The following NRTN variants were observed in gnomAD, a reference collection of about 807,000 sequenced individuals.
The protein encoded by NRTN is neurturin, also known as prepro-neurturin.
Under a neutral mutation model 7.5 loss-of-function variants are expected in NRTN, and 3 were observed. That is an observed-to-expected ratio of 0.40 (90% CI 0.18 to 1.03). NRTN has a LOEUF of 1.03. NRTN is among the 50% of genes least tolerant of loss of function. NRTN has a pLI of 0.34. For missense variants in NRTN, 310 were observed against 307.0 expected (o/e 1.01, Z -0.07); for synonymous variants, 157 against 146.6 (o/e 1.07, Z -0.51).
intron 1 of NRTN, among the ~76,000 whole-genome samples, chr19:5,818,339 CAGTGTGTG>C (rs1041999987): frequency 1.8e-4 from 28 of 151,966 alleles, no homozygotes; most frequent in East Asian, 1.2e-3. Context: ...CGTGTGTGGG[CAGTGTGTG>C]AGTGTGTGAG....
intron 1 of NRTN, among the ~76,000 whole-genome samples, chr19:5,810,662 A>T (rs373051526): frequency 6.6e-6 from 1 of 151,698 alleles, no homozygotes; most frequent in Non-Finnish European, 1.5e-5. Flanking sequence ...AGCCGGGCGC[A>T]GTGGCTCGTG....
chr19:5,827,113 A>G (rs971979684), intron 2 of NRTN, among the ~76,000 whole-genome samples: 1 of 151,976 alleles, frequency 6.6e-6, no homozygotes, highest in African/African-American at 2.4e-5. Flanking sequence ...CATTTCTTGG[A>G]TAGGGAAACT....
In NRTN at chr19:5,825,386, C is replaced by T. The variant is rs115240543; in HGVS notation, c.169+1052C>T. On this transcript the variant is annotated intron_variant, in intron 2 of 2. Transcript: ENST00000303212. ...GGATGCCGGCAGGGTGCGTGTGCAG[C>T]GCCTTTGGGTGTGGGCCACGAGTAC... Among the ~76,000 whole-genome samples, 717 of 152,296 alleles carry T rather than the reference C, an allele frequency of 4.7e-3. 9 individuals are homozygous for T. The highest frequency in any genetic ancestry group is 0.016 in the African/African-American group (683 of 41,568).
At chr19:5,815,628 G>T (rs1206856549) in intron 1 of NRTN, among the ~76,000 whole-genome samples, 1 of 151,550 alleles carries the variant, frequency 6.6e-6, no homozygotes, top group Non-Finnish European at 1.5e-5. Context: ...TAGAGACGGG[G>T]TTTCGCCATG....
At chr19:5,816,024 C>T (rs1374314871) in intron 1 of NRTN, among the ~76,000 whole-genome samples, 2 of 152,130 alleles carry the variant, frequency 1.3e-5, no homozygotes, top group African/African-American at 2.4e-5. Flanking sequence ...GGATTACAGG[C>T]GTGAGCCACT....
intron 1 of NRTN, among the ~76,000 whole-genome samples, 133 bp downstream of exon 1, chr19:5,805,584 CG>C (rs1346182228): frequency 1.4e-5 from 2 of 147,688 alleles, no homozygotes; most frequent in Admixed American, 1.4e-4. Flanking sequence ...GCAGAACCAG[CG>C]GGTGTATGAG....
At position 5,806,906 on chromosome 19, in the gene NRTN, C is replaced by T. The variant is rs563784601; in HGVS notation, c.-399+1455C>T. 1.3e-5 allele frequency among the ~76,000 whole-genome samples: 2 copies of T among 152,234 alleles called. No individual in the cohort carries two copies. Among genetic ancestry groups the T allele is most frequent in the East Asian group, 1.9e-4 (1 of 5,184 alleles). On this transcript the variant is annotated intron_variant, in intron 1 of 2. Transcript: ENST00000303212. This position sits in a 1 kb window ranked among gnomAD's most constrained non-coding sequence, Gnocchi z 5.4. The stretch of plus-strand genomic sequence containing the variant: ...GCACAACACAATCAAAAGATTGTTT[C>T]GACAAATGTGTGTCGATGGCAACCG...
intron 1 of NRTN, among the ~76,000 whole-genome samples, chr19:5,816,360 C>T (rs1020724380): frequency 1.3e-5 from 2 of 152,024 alleles, no homozygotes; most frequent in African/African-American, 4.8e-5. Context: ...TTTGTCTTTT[C>T]TCTTCTCATC....
At chr19:5,817,463 A>AGAGGAAGGAAGGAAGGGAAAGAGAG (rs1555734506) in intron 1 of NRTN, among the ~76,000 whole-genome samples, 1 of 117,294 alleles carries the variant, frequency 8.5e-6, no homozygotes, top group Non-Finnish European at 1.9e-5. Context: ...GAAAGAGAGA[A>AGAGGAAGGAAGGAAGGGAAAGAGAG]AGAGAGGAAG....
At chr19:5,827,108 C>A (rs963605932) in intron 2 of NRTN, among the ~76,000 whole-genome samples, 3 of 152,080 alleles carry the variant, frequency 2.0e-5, no homozygotes, top group African/African-American at 7.2e-5. Flanking sequence ...CGATTCATTT[C>A]TTGGATAGGG....
chr19:5,822,624 C>T (rs756604238), intron 1 of NRTN, among the ~76,000 whole-genome samples: 3 of 152,200 alleles, frequency 2.0e-5, no homozygotes, highest in African/African-American at 7.2e-5. Flanking sequence ...ACTAGCGCCC[C>T]TGCACCAGCC....
intron 2 of NRTN, 148 bp from the exon 3 acceptor site, chr19:5,827,601 A>C (rs773769620): frequency 1.5e-5 from 4 of 269,948 alleles, no homozygotes; most frequent in Non-Finnish European, 2.5e-5. Flanking sequence ...GGGTGGGGAA[A>C]TTTGGGACCT....
At chr19:5,809,537 T>C (rs899182976) in intron 1 of NRTN, among the ~76,000 whole-genome samples, 138 of 152,166 alleles carry the variant, frequency 9.1e-4, no homozygotes, top group African/African-American at 3.3e-3. Context: ...TTATTTCACA[T>C]TTATTATCTG....
At chr19:5,818,161 A>G (rs2057012030) in intron 1 of NRTN, among the ~76,000 whole-genome samples, 1 of 151,950 alleles carries the variant, frequency 6.6e-6, no homozygotes, top group African/African-American at 2.4e-5. Flanking sequence ...ACAGGGTTTC[A>G]CCATGTTGGC....
rs570492039 is a variant in NRTN, at chr19:5,809,170, G to GTT, written c.-399+3736_-399+3737dup. On this transcript the variant is annotated intron_variant, in intron 1 of 2. Transcript: ENST00000303212. ...TCCAGTCACTATGGCTTCATCCTGA[G>GTT]TTTTTTTTTTTTTTTTTTCTGAGAC... Among the ~76,000 whole-genome samples, 1,178 of 134,468 alleles carry GTT rather than the reference G, an allele frequency of 8.8e-3. 15 individuals carry two copies. The highest frequency in any genetic ancestry group is 0.03 in the African/African-American group (1,091 of 36,338). 88.2% of individuals were successfully genotyped at this position (134,468 alleles called of 152,430 possible).
intron 2 of NRTN, among the ~76,000 whole-genome samples, chr19:5,826,185 G>A (rs1358185011): frequency 6.6e-6 from 1 of 151,962 alleles, no homozygotes. Context: ...AGATTTAGCC[G>A]GGCACCTGTA....
At chr19:5,823,427 A>G (rs1378596962) in intron 1 of NRTN, among the ~76,000 whole-genome samples, 2 of 152,168 alleles carry the variant, frequency 1.3e-5, no homozygotes, top group Non-Finnish European at 2.9e-5. Flanking sequence ...CCAAAAGAAA[A>G]AAAGAAAAAG....
intron 1 of NRTN, among the ~76,000 whole-genome samples, chr19:5,807,146 G>C (rs2056977200): frequency 6.6e-6 from 1 of 152,168 alleles, no homozygotes; most frequent in African/African-American, 2.4e-5. Flanking sequence ...AGGCATTCCA[G>C]GTGGCTGTGC....
intron 1 of NRTN, among the ~76,000 whole-genome samples, chr19:5,812,269 C>T (rs921865752): frequency 1.3e-5 from 2 of 152,156 alleles, no homozygotes; most frequent in Non-Finnish European, 2.9e-5. Context: ...ATCCATCCCT[C>T]AGCTTCACTT....
Sources: allele counts gnomAD v4.1 joint callset (sites outside exome capture counted in the v4.1 genomes callset), GRCh38; gene constraint gnomAD v4.1.1; non-coding constraint Gnocchi (gnomAD v3.1); transcripts MANE v1.5; gene names NCBI Gene and HGNC (gene_info 2026-07-23, HGNC 2026-07-21).